ZNF492: variants seen among roughly 807,000 people sequenced by gnomAD.
The protein encoded by ZNF492 is zinc finger protein 492.
A neutral mutation model predicts 6.4 loss-of-function variants in ZNF492; 3 were observed. The observed-to-expected ratio is 0.47, with a 90% CI of 0.21 to 1.22. ZNF492 has a LOEUF of 1.22. Ranked by LOEUF, ZNF492 falls within the 50% of genes most tolerant of loss-of-function variation. The probability of loss-of-function intolerance (pLI) is 0.22; values close to 1 mark genes in which losing one functional copy is unlikely to be tolerated. For synonymous variants in ZNF492, 112 were observed against 205.3 expected, an observed-to-expected ratio of 0.55 and a Z score of 3.89; for missense variants, 356 against 612.5, an observed-to-expected ratio of 0.58 and a Z score of 4.42.
At chr19:22,639,629 T>C (rs916958019) in intron 1 of ZNF492, among the ~76,000 whole-genome samples, 2 of 149,614 alleles carry the variant, frequency 1.3e-5, no homozygotes, top group African/African-American at 5.0e-5. Flanking sequence ...GAGAATTGCT[T>C]GAACCTGGGA....
chr19:22,642,976 A>G (rs1971843473), intron 1 of ZNF492, among the ~76,000 whole-genome samples: 1 of 152,210 alleles, frequency 6.6e-6, no homozygotes, highest in Non-Finnish European at 1.5e-5. Flanking sequence ...ACAATGCAAA[A>G]GCAAGGTCTG....
At chr19:22,634,969 G>T (rs1311059259) in intron 1 of ZNF492, among the ~76,000 whole-genome samples, 1 of 152,180 alleles carries the variant, frequency 6.6e-6, no homozygotes, top group Admixed American at 6.5e-5. Flanking sequence ...TGTAGTTTGT[G>T]GTCGGTCCAT....
At chr19:22,636,778 CAT>C (rs1568350972) in intron 1 of ZNF492, among the ~76,000 whole-genome samples, 57 of 150,308 alleles carry the variant, frequency 3.8e-4, no homozygotes, top group African/African-American at 1.4e-3. Flanking sequence ...GGATTACAGG[CAT>C]GCGCCACCAC....
chr19:22,659,806 C>T (rs1769360649), intron 3 of ZNF492, among the ~76,000 whole-genome samples: 1 of 151,560 alleles, frequency 6.6e-6, no homozygotes, highest in Admixed American at 6.6e-5. Flanking sequence ...GCTAGGATTA[C>T]AGGTGCCCAC....
chr19:22,652,227 T>TGCA lies in ZNF492; in HGVS notation c.-93-1080_-93-1079insGCA, dbSNP rs1333856901. On this transcript the variant is annotated intron_variant, in intron 1 of 3. Transcript: ENST00000456783. ...GCAGCTGACCTTTCTTAGGCTTTTT[T>TGCA]TTTTTTTTTTTGAGACGGAGTCTCG... Among the ~76,000 whole-genome samples, 318 of 118,616 alleles carry TGCA rather than the reference T, an allele frequency of 2.7e-3. 15 individuals carry two copies. The highest frequency in any genetic ancestry group is 8.7e-3 in the African/African-American group (165 of 18,922). The allele number at this position is 118,616 out of a possible 152,430, so 77.8% of individuals were successfully genotyped here.
At chr19:22,640,122 A>G (rs888990491) in intron 1 of ZNF492, among the ~76,000 whole-genome samples, 2 of 151,990 alleles carry the variant, frequency 1.3e-5, no homozygotes, top group African/African-American at 4.8e-5. Flanking sequence ...TTCTGTCTTC[A>G]GTTCTTATTA....
At chr19:22,661,830 C>G (rs1455561645) in intron 3 of ZNF492, among the ~76,000 whole-genome samples, 1 of 152,094 alleles carries the variant, frequency 6.6e-6, no homozygotes, top group Non-Finnish European at 1.5e-5. Context: ...CTCCTGACCT[C>G]AGCTGATCCT....
intron 1 of ZNF492, among the ~76,000 whole-genome samples, chr19:22,638,541 A>G (rs534041818): frequency 2.0e-5 from 3 of 152,068 alleles, no homozygotes; most frequent in African/African-American, 7.2e-5. Flanking sequence ...GTGTTGTATT[A>G]TGGGCTCTCT....
chr19:22,662,888 T>C lies in ZNF492; in HGVS notation c.131-912T>C, dbSNP rs1024888839. On this transcript the variant is annotated intron_variant, in intron 3 of 3. Transcript: ENST00000456783. Reference sequence around the variant, plus strand: ...ATTTTCTCCCATTCTGTAGGTTGCCTGTTCATTCTGGTGGTAGTTTCTTTT... The same window carrying C: ...ATTTTCTCCCATTCTGTAGGTTGCCCGTTCATTCTGGTGGTAGTTTCTTTT... Among the ~76,000 whole-genome samples, 129 of 152,284 alleles carry C rather than the reference T, an allele frequency of 8.5e-4. 1 individual carries two copies. The highest frequency in any genetic ancestry group is 2.9e-3 in the African/African-American group (119 of 41,566).
intron 1 of ZNF492, among the ~76,000 whole-genome samples, chr19:22,648,164 C>T (rs1410673321): frequency 6.6e-6 from 1 of 152,150 alleles, no homozygotes; most frequent in Non-Finnish European, 1.5e-5. Flanking sequence ...ATTTTGTTCT[C>T]ACTGGTTTCA....
chr19:22,652,937 A>G (rs928566024), intron 1 of ZNF492, among the ~76,000 whole-genome samples: 36 of 152,270 alleles, frequency 2.4e-4, no homozygotes, highest in Admixed American at 8.5e-4. Flanking sequence ...GTACACATTA[A>G]CATGTGAGCA....
At chr19:22,643,046 T>C (rs1971844475) in intron 1 of ZNF492, among the ~76,000 whole-genome samples, 1 of 152,040 alleles carries the variant, frequency 6.6e-6, no homozygotes, top group Non-Finnish European at 1.5e-5. Context: ...GGCTGATCAT[T>C]TGAGGTCAGG....
In ZNF492 at chr19:22,634,403, G is replaced by T; in HGVS notation, c.-165G>T. On this transcript the variant is annotated 5_prime_UTR_variant, in exon 1 of 4. Coordinates refer to ENST00000456783, the MANE Select transcript of ZNF492 (RefSeq NM_020855.3). The stretch of plus-strand genomic sequence containing the variant: ...CTCTGGTCCTAGAGGCCCATCCTCT[G>T]TGGCCCTGTGACCTGCAGGTATTGG... 7.6e-7 allele frequency: 1 copy of T among 1,316,818 alleles called. No homozygotes were observed. Among genetic ancestry groups the T allele is most frequent in the East Asian group, 2.5e-5 (1 of 39,490 alleles). 81.6% of individuals were successfully genotyped at this position (1,316,818 alleles called of 1,614,324 possible). A position where few individuals can be genotyped will look rare whatever the true frequency, so the allele number is the denominator to read the frequency against.
chr19:22,660,970 A>C (rs1972053118), intron 3 of ZNF492, among the ~76,000 whole-genome samples: 1 of 150,842 alleles, frequency 6.6e-6, no homozygotes, highest in Non-Finnish European at 1.5e-5. Flanking sequence ...TCTGATCTGC[A>C]GAATTTTTGT....
Position 22,647,727 on chromosome 19 carries a change from G to GTTTTTTTTTTTTTTTTT in ZNF492, c.-93-5576_-93-5560dup, listed in dbSNP as rs71180575. 2.4e-4 allele frequency among the ~76,000 whole-genome samples: 22 copies of GTTTTTTTTTTTTTTTTT among 92,574 alleles called. 1 individual carries two copies. The highest frequency in any genetic ancestry group is 9.6e-4 in the East Asian group (3 of 3,128). The allele number at this position is 92,574 out of a possible 152,430, so 60.7% of individuals were successfully genotyped here. A position where few individuals can be genotyped will look rare whatever the true frequency, so the allele number is the denominator to read the frequency against. On this transcript the variant is annotated intron_variant, in intron 1 of 3. Transcript: ENST00000456783. The stretch of plus-strand genomic sequence containing the variant: ...TTGCTCTTGCTTTCTAGCTCTTTTA[G>GTTTTTTTTTTTTTTTTT]TTTTTTTTTTTTTTTTTTTTGAGAT...
chr19:22,661,363 C>T (rs375302980), intron 3 of ZNF492, among the ~76,000 whole-genome samples: 20 of 151,944 alleles, frequency 1.3e-4, no homozygotes, highest in South Asian at 1.0e-3. Flanking sequence ...GAAGTTTATA[C>T]GGTATTTTTG....
Position 22,664,291 on chromosome 19 carries a change from C to T in ZNF492, c.622C>T (p.Arg208Trp), listed in dbSNP as rs1287247129. 22 of 1,583,360 alleles carry T rather than the reference C, an allele frequency of 1.4e-5. No individual in the cohort carries two copies. Among genetic ancestry groups the T allele is most frequent in the African/African-American group, 4.1e-5 (3 of 73,552 alleles). The stretch of plus-strand genomic sequence containing the variant: ...CGAAGAGTGTGGAAAAGCCTTTAAC[C>T]GGCTCTCACACCTTACTACACATAA... Reference protein sequence around the residue: ...KCEECGKAFNRLSHLTTHKII... With the variant: ...KCEECGKAFNWLSHLTTHKII... Residue 208 changes from arginine to tryptophan, a missense_variant, in exon 4 of 4, where the codon CGG (arginine) becomes TGG (tryptophan). Transcript: ENST00000456783.
chr19:22,665,998 T>C lies in ZNF492; in HGVS notation c.*733T>C, dbSNP rs1472347073. Reference sequence around the variant, plus strand: ...TTATTTGTTTATAACTTTAAAAGAGTAGAAGATTTTTTGGAGAGTTACAAG... The same window carrying C: ...TTATTTGTTTATAACTTTAAAAGAGCAGAAGATTTTTTGGAGAGTTACAAG... On this transcript the variant is annotated 3_prime_UTR_variant, in exon 4 of 4. Coordinates refer to ENST00000456783, the MANE Select transcript of ZNF492 (RefSeq NM_020855.3). 2.0e-5 allele frequency: 3 copies of C among 151,910 alleles called. No individual in the cohort carries two copies. Among genetic ancestry groups the C allele is most frequent in the Admixed American group, 2.0e-4 (3 of 15,214 alleles). The allele number at this position is 151,910 out of a possible 1,614,324, so 9.4% of individuals were successfully genotyped here.
At chr19:22,652,231 T>A (rs1267105688) in intron 1 of ZNF492, among the ~76,000 whole-genome samples, 29 of 99,556 alleles carry the variant, frequency 2.9e-4, no homozygotes, top group African/African-American at 5.1e-4. Context: ...CTTTTTTTTT[T>A]TTTTTTTGAG....
Sources: allele counts gnomAD v4.1 joint callset (sites outside exome capture counted in the v4.1 genomes callset), GRCh38; gene constraint gnomAD v4.1.1; transcripts MANE v1.5; gene names NCBI Gene and HGNC (gene_info 2026-07-23, HGNC 2026-07-21).